CA8: variants seen among roughly 807,000 people sequenced by gnomAD.
CA8 encodes the protein carbonic anhydrase-related protein.
Under a neutral mutation model 41.4 loss-of-function variants are expected in CA8, and 22 were observed. The ratio of observed to expected loss-of-function variants is 0.53; its 90% CI spans 0.38 to 0.76. The LOEUF is 0.76. CA8 is among the 30% of genes least tolerant of loss of function. The probability of loss-of-function intolerance (pLI) is 0.00; values close to 1 mark genes in which losing one functional copy is unlikely to be tolerated. For synonymous variants in CA8, 121 were observed against 130.6 expected (o/e 0.93, Z 0.50); for missense variants, 270 against 352.8 (o/e 0.77, Z 1.88).
At position 60,224,731 on chromosome 8, in the gene CA8, C is replaced by T. The variant is rs958176955; in HGVS notation, c.577-146G>A. On this transcript the variant is annotated intron_variant, in intron 5 of 8. Coordinates refer to ENST00000317995, the MANE Select transcript of CA8 (RefSeq NM_004056.6). The stretch of plus-strand genomic sequence containing the variant: ...ACAGACTTGTGGGTATCTCCTTCCA[C>T]CTTCTCATTGGAGTAACATTGTCTG... 19 of 636,462 alleles carry T rather than the reference C, an allele frequency of 3.0e-5. No homozygotes were observed. In the Admixed American group the frequency reaches 4.5e-4, roughly 15 times the overall value. The allele number at this position is 636,462 out of a possible 1,614,324, so 39.4% of individuals were successfully genotyped here.
intron 7 of CA8, among the ~76,000 whole-genome samples, chr8:60,221,788 ATTT>A (rs1001520048): frequency 6.6e-6 from 1 of 151,714 alleles, no homozygotes; most frequent in African/African-American, 2.4e-5. Context: ...TGGAAGAAGG[ATTT>A]TTTTTTAAGA....
chr8:60,255,159 C>T (rs577161845), intron 3 of CA8, among the ~76,000 whole-genome samples: 1 of 152,272 alleles, frequency 6.6e-6, no homozygotes, highest in East Asian at 1.9e-4. Context: ...CAACCAACTC[C>T]TCCTCCTGTA....
In CA8 at chr8:60,280,967, G is replaced by A. The variant is rs7003287; in HGVS notation, c.100+81C>T. The A allele has an allele frequency of 0.4, 388,913 of 981,642 alleles. 79,761 individuals carry two copies. Among genetic ancestry groups the A allele is most frequent in the African/African-American group, 0.49 (30,419 of 62,578 alleles). 60.8% of individuals were successfully genotyped at this position (981,642 alleles called of 1,614,324 possible). On this transcript the variant is annotated intron_variant, in intron 1 of 8. Transcript: ENST00000317995. The stretch of plus-strand genomic sequence containing the variant: ...GTGGGGGTGCTCGGAGCGCGCAGCG[G>A]CAGCAGGACTCGAGTCCCGCGCTCG...
chr8:60,222,433 A>G (rs528360587), intron 7 of CA8, among the ~76,000 whole-genome samples: 1 of 152,358 alleles, frequency 6.6e-6, no homozygotes, highest in South Asian at 2.1e-4. Flanking sequence ...TTAACTCTCT[A>G]AAGACTAACT....
At chr8:60,211,088 A>T (rs13253838) in intron 7 of CA8, among the ~76,000 whole-genome samples, 3 of 152,138 alleles carry the variant, frequency 2.0e-5, no homozygotes, top group East Asian at 1.9e-4. Context: ...AAGACCCAAA[A>T]GATCAAATGA....
chr8:60,235,835 G>A (rs978518367), intron 3 of CA8, among the ~76,000 whole-genome samples: 2 of 152,092 alleles, frequency 1.3e-5, no homozygotes, highest in Admixed American at 6.5e-5. Context: ...ATATATTATT[G>A]CAATGAATAT....
At chr8:60,280,814 G>A (rs1804391134) in intron 1 of CA8, among the ~76,000 whole-genome samples, 1 of 152,248 alleles carries the variant, frequency 6.6e-6, no homozygotes, top group Admixed American at 6.5e-5. Context: ...CCCTGCGGAA[G>A]GCTCCCGGGT....
chr8:60,280,614 G>A (rs1185346803), intron 1 of CA8, among the ~76,000 whole-genome samples: 1 of 152,232 alleles, frequency 6.6e-6, no homozygotes, highest in Admixed American at 6.5e-5. Flanking sequence ...TTCACGAAAA[G>A]ACCAGAGGCA....
intron 4 of CA8, among the ~76,000 whole-genome samples, chr8:60,230,684 A>C (rs1807617753): frequency 6.6e-6 from 1 of 152,042 alleles, no homozygotes; most frequent in Non-Finnish European, 1.5e-5. Flanking sequence ...AGATAACCTG[A>C]ATTTTTCATC....
intron 7 of CA8, among the ~76,000 whole-genome samples, chr8:60,212,123 G>C (rs1020286618): frequency 3.3e-5 from 5 of 152,224 alleles, no homozygotes; most frequent in South Asian, 2.1e-4. Flanking sequence ...TCTTCTGAAG[G>C]TACTAGATTC....
At chr8:60,263,251 G>A (rs997568621) in intron 3 of CA8, among the ~76,000 whole-genome samples, 8 of 151,470 alleles carry the variant, frequency 5.3e-5, no homozygotes, top group African/African-American at 1.9e-4. Flanking sequence ...GAAACTGGGA[G>A]GCGGAAGCTG....
intron 7 of CA8, among the ~76,000 whole-genome samples, chr8:60,222,178 G>A (rs559037394): frequency 1.3e-5 from 2 of 152,136 alleles, no homozygotes; most frequent in Non-Finnish European, 1.5e-5. Flanking sequence ...GGGGGTGGGC[G>A]ACCAAAAGTA....
chr8:60,261,489 C>T (rs1281004638), intron 3 of CA8, among the ~76,000 whole-genome samples: 1 of 152,188 alleles, frequency 6.6e-6, no homozygotes, highest in African/African-American at 2.4e-5. Flanking sequence ...TGATCTCCTG[C>T]TAGTCTGTGG....
At position 60,187,290 on chromosome 8, in the gene CA8, A is replaced by C. The variant is rs1379018921; in HGVS notation, c.*2731T>G. The C allele has an allele frequency of 6.6e-6, 1 of 152,132 alleles. No homozygotes were observed. The highest frequency in any genetic ancestry group is 2.4e-5 in the African/African-American group (1 of 41,456). The allele number at this position is 152,132 out of a possible 1,614,324, so 9.4% of individuals were successfully genotyped here. A position where few individuals can be genotyped will look rare whatever the true frequency, so the allele number is the denominator to read the frequency against. On this transcript the variant is annotated 3_prime_UTR_variant, in exon 9 of 9. Transcript: ENST00000317995. ...TACCTTGAGATGAATGAAAACAAAAACATGGCATACCAAAACTTATTGGAT... is the reference window on the plus strand; with the variant it reads ...TACCTTGAGATGAATGAAAACAAAACCATGGCATACCAAAACTTATTGGAT...
chr8:60,219,689 C>G (rs1030977516), intron 7 of CA8, among the ~76,000 whole-genome samples: 12 of 151,982 alleles, frequency 7.9e-5, no homozygotes, highest in African/African-American at 2.9e-4. Flanking sequence ...GAGGGCACAC[C>G]AAAAGGGGCA....
At chr8:60,247,999 T>C (rs1456095140) in intron 3 of CA8, among the ~76,000 whole-genome samples, 1 of 152,246 alleles carries the variant, frequency 6.6e-6, no homozygotes, top group Non-Finnish European at 1.5e-5. Flanking sequence ...GTTTCTCTAA[T>C]GATCAGTGCT....
At chr8:60,237,140 C>T (rs548384432) in intron 3 of CA8, among the ~76,000 whole-genome samples, 2 of 152,196 alleles carry the variant, frequency 1.3e-5, no homozygotes, top group Admixed American at 6.5e-5. Flanking sequence ...AAGACCTCTG[C>T]TAGGAATCTC....
intron 3 of CA8, chr8:60,265,317 G>T: frequency 6.5e-6 from 1 of 153,728 alleles, no homozygotes; most frequent in Non-Finnish European, 1.4e-5. Context: ...ACAGGGAGCA[G>T]AGAGAGAGAG....
intron 3 of CA8, among the ~76,000 whole-genome samples, chr8:60,236,442 C>G (rs1167215597): frequency 6.6e-6 from 1 of 152,174 alleles, no homozygotes; most frequent in Non-Finnish European, 1.5e-5. Context: ...TTCTCCCTCT[C>G]CCTGTTTCTC....
Sources: gnomAD v4.1 joint callset for allele counts (sites outside exome capture counted in the v4.1 genomes callset) on GRCh38, gnomAD v4.1.1 for gene constraint, MANE v1.5 for transcripts, NCBI Gene and HGNC (gene_info 2026-07-23, HGNC 2026-07-21) for gene names.